COL4A1: variants seen among roughly 807,000 people sequenced by gnomAD.
The protein encoded by COL4A1 is collagen alpha-1(IV) chain.
In COL4A1, 40 loss-of-function variants were observed where a neutral mutation model predicts 216.6. That is an observed-to-expected ratio of 0.18 (90% CI 0.14 to 0.24). COL4A1 has a LOEUF of 0.24. COL4A1 is among the 10% of genes least tolerant of loss of function. The probability of loss-of-function intolerance (pLI) is 1.00; values close to 1 mark genes in which losing one functional copy is unlikely to be tolerated. For synonymous variants in COL4A1, 839 were observed against 810.7 expected (o/e 1.03, Z -0.59); for missense variants, 1,628 against 2,196.8 (o/e 0.74, Z 5.18).
intron 24 of COL4A1, chr13:110,191,353 T>C (rs763529426): frequency 7.8e-6 from 2 of 256,842 alleles, no homozygotes; most frequent in Non-Finnish European, 1.5e-5. Flanking sequence ...TTCAATATCT[T>C]ACAAAAAGAA....
intron 1 of COL4A1, among the ~76,000 whole-genome samples, chr13:110,278,969 C>G (rs1244231694): frequency 6.6e-6 from 1 of 152,120 alleles, no homozygotes; most frequent in Non-Finnish European, 1.5e-5. Context: ...TATGATGAAA[C>G]CCTCAGGCCC....
intron 29 of COL4A1, among the ~76,000 whole-genome samples, chr13:110,180,165 G>A (rs935137900): frequency 6.6e-6 from 1 of 152,080 alleles, no homozygotes; most frequent in Non-Finnish European, 1.5e-5. Context: ...TCCATCAAGG[G>A]GATGCTTGAA....
intron 41 of COL4A1, among the ~76,000 whole-genome samples, chr13:110,172,228 C>T (rs1030436919): frequency 1.3e-5 from 2 of 152,216 alleles, no homozygotes; most frequent in Non-Finnish European, 2.9e-5. Context: ...GTCCCCTTTG[C>T]TTTCCCATGA....
At chr13:110,221,338 T>A (rs568796646) in intron 2 of COL4A1, among the ~76,000 whole-genome samples, 4 of 152,142 alleles carry the variant, frequency 2.6e-5, no homozygotes, top group Non-Finnish European at 4.4e-5. Context: ...AAGAAAAAAA[T>A]GAATTAAAAA....
At chr13:110,198,417 C>T (rs369873063) in intron 21 of COL4A1, 50 bp downstream of exon 21, 8 of 1,610,118 alleles carry the variant, frequency 5.0e-6, no homozygotes, top group Non-Finnish European at 6.8e-6. Flanking sequence ...CTGCCCGGCA[C>T]CCTGGTGTCT....
At chr13:110,250,276 G>A (rs1442823804) in intron 1 of COL4A1, among the ~76,000 whole-genome samples, 1 of 151,712 alleles carries the variant, frequency 6.6e-6, no homozygotes, top group Non-Finnish European at 1.5e-5. Flanking sequence ...TCTCTGTGCT[G>A]TAGTATGACT....
At chr13:110,243,711 C>T (rs994058651) in intron 1 of COL4A1, among the ~76,000 whole-genome samples, 3 of 152,296 alleles carry the variant, frequency 2.0e-5, no homozygotes, top group African/African-American at 4.8e-5. Flanking sequence ...CAAGCTACCA[C>T]GTGTTCAAAC....
intron 1 of COL4A1, among the ~76,000 whole-genome samples, chr13:110,295,914 C>T (rs1884257636): frequency 6.6e-6 from 1 of 152,226 alleles, no homozygotes; most frequent in African/African-American, 2.4e-5. Context: ...GAGACAGGTG[C>T]GCTTTCTAGC....
At chr13:110,294,379 GAAA>G (rs1884191199) in intron 1 of COL4A1, among the ~76,000 whole-genome samples, 1 of 152,222 alleles carries the variant, frequency 6.6e-6, no homozygotes, top group African/African-American at 2.4e-5. Context: ...AAAGTGCCAA[GAAA>G]TCTTGCACAC....
chr13:110,266,826 C>T (rs1411849110), intron 1 of COL4A1, among the ~76,000 whole-genome samples: 1 of 152,108 alleles, frequency 6.6e-6, no homozygotes, highest in Non-Finnish European at 1.5e-5. Context: ...GCAGTAAAAC[C>T]ACGAATGTGG....
intron 2 of COL4A1, among the ~76,000 whole-genome samples, chr13:110,225,322 G>A (rs1445573279): frequency 1.3e-5 from 2 of 152,190 alleles, no homozygotes; most frequent in African/African-American, 2.4e-5. Context: ...AGTGGCTCAC[G>A]CCTATAATCC....
At chr13:110,182,891 C>T (rs1878236994) in intron 28 of COL4A1, 102 bp downstream of exon 28, 1 of 1,119,820 alleles carries the variant, frequency 8.9e-7, no homozygotes, top group Non-Finnish European at 1.3e-6. Context: ...CCTCCCTGAA[C>T]AGCGGTCACC....
At chr13:110,296,254 T>C (rs74318484) in intron 1 of COL4A1, among the ~76,000 whole-genome samples, 6,874 of 152,304 alleles carry the variant, frequency 0.045, 506 homozygotes, top group African/African-American at 0.16. Context: ...ATAATTGTTA[T>C]ACCTCAAAGC....
intron 2 of COL4A1, among the ~76,000 whole-genome samples, chr13:110,214,675 C>T (rs1423302387): frequency 6.6e-6 from 1 of 152,182 alleles, no homozygotes. Flanking sequence ...GGTTCTCTGG[C>T]CTTCAGATTC....
intron 36 of COL4A1, among the ~76,000 whole-genome samples, chr13:110,175,705 A>T (rs931272267): frequency 2.0e-5 from 3 of 152,252 alleles, no homozygotes; most frequent in African/African-American, 7.2e-5. Context: ...GCCAGCTCTC[A>T]TCAGCCAGAC....
chr13:110,152,649 C>A, intron 50 of COL4A1, 143 bp from the exon 51 acceptor site: 1 of 1,069,170 alleles, frequency 9.4e-7, no homozygotes, highest in East Asian at 2.6e-5. Flanking sequence ...AGGACACACT[C>A]TGTGCCCAAA....
rs1358723913 is a variant in COL4A1, at chr13:110,268,073, C to T, written c.85-25339G>A. ...AAAGCAGTGGTCACAAAGCTCATGA[C>T]ATTTGACTCCAGGAGGAAAGTTTGA... On this transcript the variant is annotated intron_variant, in intron 1 of 51. Coordinates refer to ENST00000375820, the MANE Select transcript of COL4A1 (RefSeq NM_001845.6). This position sits in a 1 kb window ranked among gnomAD's most constrained non-coding sequence, Gnocchi z 4.1. 6.6e-6 allele frequency among the ~76,000 whole-genome samples: 1 copy of T among 152,150 alleles called. No homozygotes were observed. Among genetic ancestry groups the T allele is most frequent in the African/African-American group, 2.4e-5 (1 of 41,422 alleles).
chr13:110,159,500 G>A (rs1288675739), intron 49 of COL4A1, among the ~76,000 whole-genome samples: 2 of 152,184 alleles, frequency 1.3e-5, no homozygotes, highest in South Asian at 2.1e-4. Flanking sequence ...GTGCGCTGTG[G>A]CAGGAATGTA....
At chr13:110,163,318 T>C (rs1267400256) in intron 47 of COL4A1, 145 bp downstream of exon 47, 3 of 743,534 alleles carry the variant, frequency 4.0e-6, no homozygotes, top group South Asian at 3.0e-5. Context: ...TATTTGATTC[T>C]ATTTCTTCTA....
Sources: gnomAD v4.1 joint callset for allele counts (sites outside exome capture counted in the v4.1 genomes callset) on GRCh38, gnomAD v4.1.1 for gene constraint, Gnocchi (gnomAD v3.1) non-coding constraint, MANE v1.5 for transcripts, NCBI Gene and HGNC (gene_info 2026-07-23, HGNC 2026-07-21) for gene names.